The following AFAP1L1 variants were observed in gnomAD, a reference collection of about 807,000 sequenced individuals.
AFAP1L1 encodes the protein actin filament associated protein 1 like 1.
Under a neutral mutation model 99.8 loss-of-function variants are expected in AFAP1L1, and 77 were observed. The ratio of observed to expected loss-of-function variants is 0.77; its 90% CI spans 0.64 to 0.93. The LOEUF (loss-of-function observed/expected upper bound fraction) is 0.93. AFAP1L1 is among the 40% of genes least tolerant of loss of function. The probability of loss-of-function intolerance (pLI) is 0.00; values close to 1 mark genes in which losing one functional copy is unlikely to be tolerated. For missense variants in AFAP1L1, 893 were observed against 996.8 expected (o/e 0.90, Z 1.40); for synonymous variants, 373 against 395.3 (o/e 0.94, Z 0.67).
intron 1 of AFAP1L1, among the ~76,000 whole-genome samples, chr5:149,277,607 T>C (rs1412321619): frequency 6.6e-6 from 1 of 152,232 alleles, no homozygotes; most frequent in Non-Finnish European, 1.5e-5. Flanking sequence ...CCCTTATCCA[T>C]ATTCGAATCA....
At chr5:149,289,223 A>T (rs1294175293) in intron 1 of AFAP1L1, among the ~76,000 whole-genome samples, 2 of 152,002 alleles carry the variant, frequency 1.3e-5, no homozygotes, top group African/African-American at 4.8e-5. Context: ...AATTCTTCCC[A>T]CTATTTTTTG....
chr5:149,278,265 G>A (rs1185525017), intron 1 of AFAP1L1, among the ~76,000 whole-genome samples: 1 of 152,022 alleles, frequency 6.6e-6, no homozygotes, highest in Non-Finnish European at 1.5e-5. Context: ...CTTCTCAAAT[G>A]GTCAGCAACT....
At chr5:149,307,818 T>TTCTCTCTCCCTCTCTCTCTCTCTCTCTC (rs1756474272) in intron 7 of AFAP1L1, among the ~76,000 whole-genome samples, 2 of 100,504 alleles carry the variant, frequency 2.0e-5, no homozygotes, top group Admixed American at 2.5e-4. Context: ...GTGCCTCTCT[T>TTCTCTCTCCCTCTCTCTCTCTCTCTCTC]TCTCTCTCTC....
intron 1 of AFAP1L1, among the ~76,000 whole-genome samples, chr5:149,276,241 G>C (rs1042045510): frequency 2.0e-5 from 3 of 152,180 alleles, no homozygotes; most frequent in African/African-American, 7.2e-5. Flanking sequence ...AGCATAAAAA[G>C]CTCAGCATCA....
In AFAP1L1 at chr5:149,326,806, T is replaced by C. The variant is rs569227805; in HGVS notation, c.1811-2860T>C. On this transcript the variant is annotated intron_variant, in intron 15 of 18. Transcript: ENST00000296721. ...GCTTAACAGGAGATTAGGAAAAGAG[T>C]CAGAAATCCCTGCTAATACGCTGTC... Among the ~76,000 whole-genome samples, 3 of 151,798 alleles carry C rather than the reference T, an allele frequency of 2.0e-5. No individual in the cohort carries two copies. In the East Asian group the frequency reaches 5.8e-4, roughly 29 times the overall value.
chr5:149,307,353 G>T (rs776088022), intron 6 of AFAP1L1, 49 bp from the exon 7 acceptor site: 16 of 1,597,574 alleles, frequency 1.0e-5, no homozygotes, highest in African/African-American at 1.3e-5. Flanking sequence ...GTGAGAAGGT[G>T]CTTCCCCAGG....
At chr5:149,330,361 C>G (rs1757220340) in intron 16 of AFAP1L1, among the ~76,000 whole-genome samples, 1 of 152,214 alleles carries the variant, frequency 6.6e-6, no homozygotes, top group Admixed American at 6.5e-5. Flanking sequence ...TGTAGTTTGA[C>G]ACACTTTAAG....
rs12656166 is a variant in AFAP1L1, at chr5:149,343,322, T to C, written c.*3292T>C. 1.3e-5 allele frequency among the ~76,000 whole-genome samples: 2 copies of C among 151,904 alleles called. No individual in the cohort carries two copies. ...CAGAGTGCTCAAGGAACACTTCCCA[T>C]TCCCTTAAAAAAAAAAATTAAGGGA... is the stretch of plus-strand genomic sequence containing the variant. On this transcript the variant is annotated 3_prime_UTR_variant, in exon 19 of 19. Transcript: ENST00000296721.
chr5:149,336,506 G>T (rs914204155), intron 18 of AFAP1L1, among the ~76,000 whole-genome samples: 4 of 152,224 alleles, frequency 2.6e-5, no homozygotes, highest in African/African-American at 9.6e-5. Context: ...TAAAGAAACA[G>T]AATGTATTTC....
chr5:149,292,866 C>T (rs576468549), intron 1 of AFAP1L1, among the ~76,000 whole-genome samples: 3 of 152,266 alleles, frequency 2.0e-5, no homozygotes, highest in Admixed American at 6.5e-5. Context: ...TTTTCCTGAC[C>T]GGGGACAGCA....
chr5:149,328,497 A>G (rs1187849998), intron 15 of AFAP1L1, among the ~76,000 whole-genome samples: 1 of 152,102 alleles, frequency 6.6e-6, no homozygotes, highest in East Asian at 1.9e-4. Flanking sequence ...CCTCAACAAT[A>G]AAAGAAAATT....
intron 5 of AFAP1L1, among the ~76,000 whole-genome samples, chr5:149,303,491 G>A (rs1386427660): frequency 6.6e-6 from 1 of 152,218 alleles, no homozygotes; most frequent in Non-Finnish European, 1.5e-5. Context: ...ATTTGTATAA[G>A]ATAATGTTTG....
At chr5:149,272,471 A>G (rs915371088) in intron 1 of AFAP1L1, among the ~76,000 whole-genome samples, 1 of 151,896 alleles carries the variant, frequency 6.6e-6, no homozygotes. Context: ...TGTGTGCGCC[A>G]GGGAGGGAGG....
intron 1 of AFAP1L1, among the ~76,000 whole-genome samples, chr5:149,296,151 A>G (rs907709604): frequency 1.6e-4 from 24 of 152,192 alleles, no homozygotes; most frequent in African/African-American, 5.8e-4. Flanking sequence ...CTCCCACCCC[A>G]GTCTCCTGAG....
intron 5 of AFAP1L1, 66 bp from the exon 6 acceptor site, chr5:149,306,240 C>A: frequency 1.4e-6 from 2 of 1,406,808 alleles, no homozygotes; most frequent in Admixed American, 3.9e-5. Context: ...CAGGGTCTCC[C>A]CCAGTCCTGG....
At chr5:149,314,053 C>T (rs1030439069) in intron 9 of AFAP1L1, among the ~76,000 whole-genome samples, 8 of 152,240 alleles carry the variant, frequency 5.3e-5, no homozygotes, top group Middle Eastern at 3.4e-3. Flanking sequence ...TGAGGGAAGA[C>T]GGGCACCTAT....
chr5:149,312,240 G>A (rs773974668), intron 9 of AFAP1L1, 36 bp downstream of exon 9: 11 of 1,598,102 alleles, frequency 6.9e-6, no homozygotes, highest in South Asian at 2.2e-5. Flanking sequence ...CCCAGGCCAG[G>A]CAGTGGCCAC....
At chr5:149,302,551 G>T (rs561227995) in intron 5 of AFAP1L1, 25 bp downstream of exon 5, 2 of 1,546,758 alleles carry the variant, frequency 1.3e-6, no homozygotes, top group South Asian at 2.4e-5. Flanking sequence ...TCTTGGTGGG[G>T]CTGGGGACTT....
intron 15 of AFAP1L1, among the ~76,000 whole-genome samples, chr5:149,325,531 C>T (rs1333235668): frequency 6.6e-6 from 1 of 152,184 alleles, no homozygotes; most frequent in Non-Finnish European, 1.5e-5. Context: ...GCCCTGATTG[C>T]CCTCATCCTA....
Sources: gnomAD v4.1 joint callset for allele counts (sites outside exome capture counted in the v4.1 genomes callset) on GRCh38, gnomAD v4.1.1 for gene constraint, MANE v1.5 for transcripts, NCBI Gene and HGNC (gene_info 2026-07-23, HGNC 2026-07-21) for gene names.